The following CSNK1G1 variants were observed in gnomAD, a reference collection of about 807,000 sequenced individuals.
CSNK1G1 encodes casein kinase I isoform gamma-1.
Under a neutral mutation model 59.6 loss-of-function variants are expected in CSNK1G1, and 22 were observed. That is an observed-to-expected ratio of 0.37 (90% CI 0.26 to 0.53). CSNK1G1 has a LOEUF of 0.53. Ranked by LOEUF, CSNK1G1 falls within the 20% of genes least tolerant of loss-of-function variation. The pLI is 0.89. For missense variants in CSNK1G1, 384 were observed against 519.5 expected, an observed-to-expected ratio of 0.74 and a Z score of 2.54; for synonymous variants, 179 against 177.1, an observed-to-expected ratio of 1.01 and a Z score of -0.08.
At chr15:64,273,230 T>C (rs988988520) in intron 2 of CSNK1G1, among the ~76,000 whole-genome samples, 1 of 152,190 alleles carries the variant, frequency 6.6e-6, no homozygotes, top group Non-Finnish European at 1.5e-5. Flanking sequence ...TATTATATAA[T>C]GTACAGATGT....
intron 1 of CSNK1G1, among the ~76,000 whole-genome samples, chr15:64,338,385 G>C (rs1897498416): frequency 6.6e-6 from 1 of 152,098 alleles, no homozygotes; most frequent in South Asian, 2.1e-4. Context: ...ATAGGCATGG[G>C]ACATCTAACA....
chr15:64,353,942 A>G (rs932461877), intron 1 of CSNK1G1, among the ~76,000 whole-genome samples: 4 of 152,212 alleles, frequency 2.6e-5, no homozygotes, highest in African/African-American at 4.8e-5. Flanking sequence ...TGAATATTAT[A>G]TAAGTTTTTC....
Position 64,300,673 on chromosome 15 carries a change from C to A in CSNK1G1, c.-174G>T. ...GAGATGAAAAACCATTTATTTGTTC[C>A]CGTAGGAAATGTAGTCACTAGGTCT... On this transcript the variant is annotated 5_prime_UTR_variant, in exon 2 of 12. Coordinates refer to ENST00000303052, the MANE Select transcript of CSNK1G1 (RefSeq NM_022048.5). 1.6e-6 allele frequency: 2 copies of A among 1,280,520 alleles called. No homozygotes were observed. The highest frequency in any genetic ancestry group is 3.0e-5 in the African/African-American group (2 of 65,974). The allele number at this position is 1,280,520 out of a possible 1,614,324, so 79.3% of individuals were successfully genotyped here. A position where few individuals can be genotyped will look rare whatever the true frequency, so the allele number is the denominator to read the frequency against.
At chr15:64,254,883 A>G (rs1892288010) in intron 3 of CSNK1G1, among the ~76,000 whole-genome samples, 1 of 152,178 alleles carries the variant, frequency 6.6e-6, no homozygotes, top group Non-Finnish European at 1.5e-5. Flanking sequence ...CAATGTCATG[A>G]AGCTTTTCCC....
chr15:64,240,713 A>G (rs1371250182), intron 4 of CSNK1G1, among the ~76,000 whole-genome samples: 3 of 152,120 alleles, frequency 2.0e-5, no homozygotes, highest in Admixed American at 6.6e-5. Flanking sequence ...AGAGAGCAAT[A>G]AAGTCTTTCC....
chr15:64,191,260 C>G (rs1468905745), intron 10 of CSNK1G1, among the ~76,000 whole-genome samples: 3 of 152,032 alleles, frequency 2.0e-5, no homozygotes, highest in Non-Finnish European at 4.4e-5. Flanking sequence ...CGCGGTTTCC[C>G]TGTGTTAGCT....
chr15:64,295,617 G>A (rs114088980), intron 2 of CSNK1G1, among the ~76,000 whole-genome samples: 1,903 of 152,178 alleles, frequency 0.013, 29 homozygotes, highest in African/African-American at 0.044. Context: ...GGACTAAAAA[G>A]CAAAGTAATA....
intron 2 of CSNK1G1, among the ~76,000 whole-genome samples, chr15:64,282,530 G>A (rs1187863814): frequency 1.3e-5 from 2 of 152,034 alleles, no homozygotes; most frequent in Admixed American, 1.3e-4. Context: ...AGTCTCCCAT[G>A]AATTTTTCAT....
intron 2 of CSNK1G1, chr15:64,266,035 C>T (rs929228222): frequency 3.9e-6 from 1 of 253,846 alleles, no homozygotes; most frequent in Non-Finnish European, 8.2e-6. Context: ...TGTCACTACA[C>T]TCCAGCCGAG....
chr15:64,181,225 C>G, intron 10 of CSNK1G1: 2 of 1,535,258 alleles, frequency 1.3e-6, no homozygotes. Context: ...CATCCCAGTT[C>G]TCACTGATGG....
chr15:64,165,995 T>C lies in CSNK1G1; in HGVS notation c.*5936A>G. The C allele has an allele frequency of 1.5e-6, 1 of 680,068 alleles. No individual in the cohort carries two copies. 42.1% of individuals were successfully genotyped at this position (680,068 alleles called of 1,614,324 possible). A position where few individuals can be genotyped will look rare whatever the true frequency, so the allele number is the denominator to read the frequency against. On this transcript the variant is annotated 3_prime_UTR_variant, in exon 12 of 12. Transcript: ENST00000303052. ...GAACCATTTCAAATACACTTGAAAT[T>C]GACATTCATGTTTAAAAATACTACA...
intron 2 of CSNK1G1, among the ~76,000 whole-genome samples, chr15:64,262,718 A>G (rs1892758984): frequency 6.6e-6 from 1 of 152,232 alleles, no homozygotes; most frequent in Non-Finnish European, 1.5e-5. Context: ...AGATTTGGAT[A>G]AAGTCTTTTT....
chr15:64,309,581 A>G (rs531649687), intron 1 of CSNK1G1, among the ~76,000 whole-genome samples: 1 of 152,326 alleles, frequency 6.6e-6, no homozygotes, highest in Admixed American at 6.5e-5. Context: ...ACAAGCAACT[A>G]CAATGCACTG....
chr15:64,263,822 C>CAA (rs869123397), intron 2 of CSNK1G1, among the ~76,000 whole-genome samples: 1,185 of 53,108 alleles, frequency 0.022, 12 homozygotes, highest in East Asian at 0.089. Context: ...TTTTGTTTAC[C>CAA]AAAAAAAAAA....
chr15:64,317,708 G>A (rs561916967), intron 1 of CSNK1G1, among the ~76,000 whole-genome samples: 9 of 152,134 alleles, frequency 5.9e-5, no homozygotes, highest in Admixed American at 2.6e-4. Flanking sequence ...ATGTTCCCCA[G>A]GCTGGTCTCA....
chr15:64,255,728 C>T (rs892447208), intron 3 of CSNK1G1, among the ~76,000 whole-genome samples: 2 of 152,148 alleles, frequency 1.3e-5, no homozygotes, highest in African/African-American at 4.8e-5. Flanking sequence ...CCTGAATCCA[C>T]TTGAAGTTTT....
intron 10 of CSNK1G1, among the ~76,000 whole-genome samples, chr15:64,195,310 C>T (rs1052659211): frequency 2.6e-5 from 4 of 152,198 alleles, no homozygotes; most frequent in Non-Finnish European, 5.9e-5. Context: ...TTCCTCTAAC[C>T]TGCTAGTTAC....
intron 1 of CSNK1G1, among the ~76,000 whole-genome samples, chr15:64,321,771 T>G (rs573406450): frequency 6.6e-6 from 1 of 152,346 alleles, no homozygotes; most frequent in South Asian, 2.1e-4. Flanking sequence ...AGTTTTCTAA[T>G]TATGAAATGA....
chr15:64,265,690 T>TGATC (rs1332879374), intron 2 of CSNK1G1: 1 of 343,920 alleles, frequency 2.9e-6, no homozygotes, highest in Non-Finnish European at 5.7e-6. Flanking sequence ...TAGGAATAAA[T>TGATC]TCAACCAAAG....
Sources: gnomAD v4.1 joint callset for allele counts (sites outside exome capture counted in the v4.1 genomes callset) on GRCh38, gnomAD v4.1.1 for gene constraint, MANE v1.5 for transcripts, NCBI Gene and HGNC (gene_info 2026-07-23, HGNC 2026-07-21) for gene names.